The following PTK2B variants were observed in gnomAD, a reference collection of about 807,000 sequenced individuals.
PTK2B encodes protein-tyrosine kinase 2-beta.
PTK2B carries 71 observed loss-of-function variants against 142.9 expected under a neutral mutation model. The observed-to-expected ratio is 0.50, with a 90% confidence interval of 0.41 to 0.61. The LOEUF is 0.61. PTK2B is among the 20% of genes least tolerant of loss of function. PTK2B has a pLI of 0.00. For missense variants in PTK2B, 1,105 were observed against 1,320.4 expected (o/e 0.84, Z 2.53); for synonymous variants, 519 against 503.4 (o/e 1.03, Z -0.42).
chr8:27,350,933 A>G (rs1205838229), intron 1 of PTK2B, among the ~76,000 whole-genome samples: 58 of 137,628 alleles, frequency 4.2e-4, no homozygotes, highest in African/African-American at 1.4e-3. Flanking sequence ...CCGAGATCAC[A>G]CCAGTGCATT....
At chr8:27,352,022 A>G (rs1381097853) in intron 1 of PTK2B, among the ~76,000 whole-genome samples, 2 of 152,120 alleles carry the variant, frequency 1.3e-5, no homozygotes, top group Admixed American at 1.3e-4. Flanking sequence ...TTTGGGCTTC[A>G]CTTCCTCTGG....
intron 21 of PTK2B, among the ~76,000 whole-genome samples, chr8:27,441,574 C>T (rs541148517): frequency 5.9e-5 from 9 of 152,284 alleles, no homozygotes; most frequent in Non-Finnish European, 1.3e-4. Context: ...AATGCCCAGG[C>T]CAGGGGCACT....
At chr8:27,317,121 TG>T (rs1803111882) in intron 3 of PTK2B, among the ~76,000 whole-genome samples, 1 of 152,184 alleles carries the variant, frequency 6.6e-6, no homozygotes, top group Non-Finnish European at 1.5e-5. Flanking sequence ...TGTCCAGAAA[TG>T]AAATAAGGCC....
At chr8:27,375,677 C>T (rs753722469) in intron 1 of PTK2B, among the ~76,000 whole-genome samples, 14 of 152,156 alleles carry the variant, frequency 9.2e-5, no homozygotes, top group Admixed American at 2.0e-4. Context: ...CTCCTGCCTC[C>T]GGGGGCCGTG....
At chr8:27,439,855 A>T (rs1811046574) in intron 20 of PTK2B, among the ~76,000 whole-genome samples, 1 of 152,092 alleles carries the variant, frequency 6.6e-6, no homozygotes, top group South Asian at 2.1e-4. Flanking sequence ...TGAGGCTCAG[A>T]TGAGTCAGGA....
intron 1 of PTK2B, among the ~76,000 whole-genome samples, chr8:27,364,215 G>A (rs1036562485): frequency 3.5e-4 from 54 of 152,206 alleles, no homozygotes; most frequent in African/African-American, 1.3e-3. Context: ...GCCACCAGAG[G>A]CTGTAAGCTG....
At chr8:27,375,545 AGG>A (rs1806614154) in intron 1 of PTK2B, among the ~76,000 whole-genome samples, 1 of 152,162 alleles carries the variant, frequency 6.6e-6, no homozygotes, top group African/African-American at 2.4e-5. Context: ...GTTTCCCTCG[AGG>A]AACATCCAGG....
intron 16 of PTK2B, 38 bp downstream of exon 16, chr8:27,437,244 G>T (rs768718277): frequency 2.5e-6 from 4 of 1,587,994 alleles, no homozygotes; most frequent in Non-Finnish European, 3.5e-6. Flanking sequence ...TCCAAGATGG[G>T]AGGGGCTTCA....
chr8:27,457,996 A>G (rs1484978432), intron 30 of PTK2B, among the ~76,000 whole-genome samples: 1 of 145,596 alleles, frequency 6.9e-6, no homozygotes, highest in Non-Finnish European at 1.5e-5. Flanking sequence ...AAAAAAAAAA[A>G]AAGATCAGAT....
chr8:27,438,719 G>A (rs1206740635), intron 18 of PTK2B, among the ~76,000 whole-genome samples: 1 of 152,156 alleles, frequency 6.6e-6, no homozygotes, highest in Admixed American at 6.5e-5. Context: ...CCAGGAATCT[G>A]AGCCAGGCTT....
intron 9 of PTK2B, 56 bp downstream of exon 9, chr8:27,431,528 C>A: frequency 6.2e-7 from 1 of 1,602,580 alleles, no homozygotes; most frequent in South Asian, 1.1e-5. Flanking sequence ...CGTCCCCTCT[C>A]TGCTGCCTCC....
Position 27,384,002 on chromosome 8 carries a change from C to T in PTK2B, c.-37-13546C>T, listed in dbSNP as rs188228378. ...TAGCTGGGATTACAGGCATGAGCCA[C>T]CATGCCCAGCTAATTTTTTGTATTT... On this transcript the variant is annotated intron_variant, in intron 1 of 30. Coordinates refer to ENST00000346049, the MANE Select transcript of PTK2B (RefSeq NM_173176.3). Among the ~76,000 whole-genome samples, 290 of 152,166 alleles carry T rather than the reference C, an allele frequency of 1.9e-3. 1 individual carries two copies. The highest frequency in any genetic ancestry group is 0.017 in the Middle Eastern group (5 of 294).
chr8:27,411,663 C>G (rs1296987750), intron 2 of PTK2B, among the ~76,000 whole-genome samples: 2 of 152,316 alleles, frequency 1.3e-5, no homozygotes, highest in Admixed American at 1.3e-4. Flanking sequence ...AAAGTTAGAG[C>G]TCTATCTGTG....
intron 7 of PTK2B, 102 bp from the exon 8 acceptor site, chr8:27,430,774 G>T: frequency 6.8e-7 from 1 of 1,468,394 alleles, no homozygotes; most frequent in Non-Finnish European, 9.2e-7. Flanking sequence ...AGGCCCTGGG[G>T]ATCATTTTCG....
chr8:27,332,253 C>T (rs1035567335), intron 1 of PTK2B, among the ~76,000 whole-genome samples: 1 of 152,224 alleles, frequency 6.6e-6, no homozygotes, highest in Non-Finnish European at 1.5e-5. Flanking sequence ...TTGGCTAAAT[C>T]TCTTTCCTCT....
At chr8:27,313,606 G>A (rs1259972991) in intron 3 of PTK2B, among the ~76,000 whole-genome samples, 2 of 152,140 alleles carry the variant, frequency 1.3e-5, no homozygotes, top group Non-Finnish European at 2.9e-5. Context: ...AATGCACAGT[G>A]CCCTCCCTAT....
intron 1 of PTK2B, among the ~76,000 whole-genome samples, chr8:27,395,381 A>C (rs1052843706): frequency 6.6e-6 from 1 of 152,224 alleles, no homozygotes; most frequent in African/African-American, 2.4e-5. Flanking sequence ...CATTGCCTGA[A>C]ACATGATTAA....
intron 1 of PTK2B, among the ~76,000 whole-genome samples, chr8:27,374,135 G>A (rs887284803): frequency 1.3e-5 from 2 of 152,180 alleles, no homozygotes; most frequent in African/African-American, 2.4e-5. Flanking sequence ...AGGCTGAGGG[G>A]CAGCAGGGGC....
At chr8:27,420,156 A>T (rs1586283125) in intron 3 of PTK2B, 83 bp downstream of exon 3, 3 of 1,505,398 alleles carry the variant, frequency 2.0e-6, no homozygotes. Context: ...CCCTTAGAGC[A>T]CTCCCCTGCC....
Sources: allele counts gnomAD v4.1 joint callset (sites outside exome capture counted in the v4.1 genomes callset), GRCh38; gene constraint gnomAD v4.1.1; transcripts MANE v1.5; gene names NCBI Gene and HGNC (gene_info 2026-07-23, HGNC 2026-07-21).